The following HADH variants were observed in gnomAD, a reference collection of about 807,000 sequenced individuals.
HADH encodes the protein hydroxyacyl-CoA dehydrogenase, also known as hydroxyacyl-coenzyme A dehydrogenase, mitochondrial.
In HADH, 24 loss-of-function variants were observed where a neutral mutation model predicts 32.2. The ratio of observed to expected loss-of-function variants is 0.75; its 90% CI spans 0.54 to 1.05. HADH has a LOEUF of 1.05. Among genes scored for constraint, HADH ranks in the 50% least tolerant of loss-of-function variants. The probability of loss-of-function intolerance (pLI) is 0.00; values close to 1 mark genes in which losing one functional copy is unlikely to be tolerated. For missense variants in HADH, 350 were observed against 397.1 expected (o/e 0.88, Z 1.01); for synonymous variants, 139 against 152.5 (o/e 0.91, Z 0.65).
chr4:107,989,894 C>CCGCCCCGCGCG lies in HADH; in HGVS notation c.-39_-38insCGCCCCGCGCG. On this transcript the variant is annotated 5_prime_UTR_variant, in exon 1 of 8. Coordinates refer to ENST00000309522, the MANE Select transcript of HADH (RefSeq NM_005327.7). ...CGGCTGCCCGCCTCGCGCGTCTTCC[C>CCGCCCCGCGCG]TGCCCGGGTCTCCTCGCTGTCGCCG... is the stretch of plus-strand genomic sequence containing the variant. 6.2e-7 allele frequency: 1 copy of CCGCCCCGCGCG among 1,605,862 alleles called. No individual in the cohort carries two copies. Among genetic ancestry groups the CCGCCCCGCGCG allele is most frequent in the Non-Finnish European group, 8.5e-7 (1 of 1,177,504 alleles).
chr4:107,999,358 A>G (rs1243350169), intron 1 of HADH, among the ~76,000 whole-genome samples: 1 of 152,138 alleles, frequency 6.6e-6, no homozygotes, highest in Non-Finnish European at 1.5e-5. Context: ...TTCCCCTTTT[A>G]CCTAGCGTCA....
chr4:107,996,826 G>A (rs1019780226), intron 1 of HADH, among the ~76,000 whole-genome samples: 10 of 151,878 alleles, frequency 6.6e-5, no homozygotes, highest in South Asian at 2.1e-4. Flanking sequence ...CCCAGGAGGC[G>A]GAGGATGCAG....
At chr4:108,006,582 C>T (rs1169155852) in intron 1 of HADH, among the ~76,000 whole-genome samples, 2 of 152,132 alleles carry the variant, frequency 1.3e-5, no homozygotes, top group African/African-American at 4.8e-5. Context: ...CTTGCTAAAC[C>T]ACAGCTCACT....
intron 2 of HADH, among the ~76,000 whole-genome samples, chr4:108,012,191 C>T (rs1735520814): frequency 6.6e-6 from 1 of 152,044 alleles, no homozygotes; most frequent in Admixed American, 6.5e-5. Flanking sequence ...GCCACCGAGT[C>T]CTGCTATCAT....
Position 107,990,185 on chromosome 4 carries a change from G to T in HADH, c.132+121G>T, listed in dbSNP as rs1216982580. 19 of 1,015,060 alleles carry T rather than the reference G, an allele frequency of 1.9e-5. No homozygotes were observed. In the East Asian group the frequency reaches 5.0e-4, roughly 27 times the overall value. 62.9% of individuals were successfully genotyped at this position (1,015,060 alleles called of 1,614,324 possible). A position where few individuals can be genotyped will look rare whatever the true frequency, so the allele number is the denominator to read the frequency against. On this transcript the variant is annotated intron_variant, in intron 1 of 7. Coordinates refer to ENST00000309522, the MANE Select transcript of HADH (RefSeq NM_005327.7). Reference sequence around the variant, plus strand: ...CGACACCAGGGAGTTTTCACCCCGCGCCTCCCGGGTGTAGTTGAAATATCT... The same window carrying T: ...CGACACCAGGGAGTTTTCACCCCGCTCCTCCCGGGTGTAGTTGAAATATCT...
Position 108,015,889 on chromosome 4 carries a change from G to A in HADH, c.419+1301G>A, listed in dbSNP as rs533055393. On this transcript the variant is annotated intron_variant, in intron 3 of 7. Coordinates refer to ENST00000309522, the MANE Select transcript of HADH (RefSeq NM_005327.7). ...TAGGGTACTTCTGTGCTCCACTCTC[G>A]GGCATAGGAGTACCCTACGTGTCCT... Among the ~76,000 whole-genome samples the A allele has an allele frequency of 3.3e-4, 50 of 152,082 alleles. 1 individual carries two copies. In the South Asian group the frequency reaches 6.2e-3, roughly 19 times the overall value.
Position 108,019,422 on chromosome 4 carries a change from A to G in HADH, c.420-118A>G, listed in dbSNP as rs538899629. 6.3e-5 allele frequency: 55 copies of G among 867,166 alleles called. 2 individuals carry two copies. The highest frequency in any genetic ancestry group is 5.7e-4 in the South Asian group (43 of 75,598). The allele number at this position is 867,166 out of a possible 1,614,324, so 53.7% of individuals were successfully genotyped here. On this transcript the variant is annotated intron_variant, in intron 3 of 7. Coordinates refer to ENST00000309522, the MANE Select transcript of HADH (RefSeq NM_005327.7). ...ATGTGTCTTCTCCCTCATTCCCCCA[A>G]TGGGTCAGGACAACAGATGTGGCAG...
At chr4:108,009,029 C>T (rs1735385397) in intron 1 of HADH, among the ~76,000 whole-genome samples, 1 of 152,184 alleles carries the variant, frequency 6.6e-6, no homozygotes, top group Non-Finnish European at 1.5e-5. Flanking sequence ...AGGATTCCTC[C>T]CTCAGCCAGG....
At chr4:108,010,803 A>G (rs755740247) in intron 2 of HADH, among the ~76,000 whole-genome samples, 7 of 151,788 alleles carry the variant, frequency 4.6e-5, no homozygotes, top group African/African-American at 1.5e-4. Flanking sequence ...CTTAGCATAA[A>G]GTTTTCAAGG....
Position 108,001,085 on chromosome 4 carries a change from AT to A in HADH, c.133-8671del, listed in dbSNP as rs1442805386. ...AGGTTTCAAAATAGAAAGTACATTC[AT>A]TTGGAAAAAGGCTTCATGGAGAGGG... On this transcript the variant is annotated intron_variant, in intron 1 of 7. Coordinates refer to ENST00000309522, the MANE Select transcript of HADH (RefSeq NM_005327.7). Among the ~76,000 whole-genome samples, 8 of 152,234 alleles carry A rather than the reference AT, an allele frequency of 5.3e-5. No individual in the cohort carries two copies. The East Asian group carries it at 1.5e-3, about 29-fold the overall frequency.
chr4:108,028,490 C>T (rs1302897391), intron 6 of HADH: 1 of 184,956 alleles, frequency 5.4e-6, no homozygotes, highest in Non-Finnish European at 1.1e-5. Flanking sequence ...TTACTTCATT[C>T]ATAAATGCTC....
intron 5 of HADH, chr4:108,025,424 A>T: frequency 6.6e-6 from 1 of 152,108 alleles, no homozygotes; most frequent in East Asian, 1.9e-4. Flanking sequence ...TCACATAAGG[A>T]TAATTATAGT....
chr4:107,996,112 C>G (rs996568763), intron 1 of HADH, among the ~76,000 whole-genome samples: 1 of 152,154 alleles, frequency 6.6e-6, no homozygotes, highest in African/African-American at 2.4e-5. Flanking sequence ...GGCTCTGTAA[C>G]TTTTTGGTCA....
chr4:108,027,732 C>A lies in HADH; in HGVS notation c.681C>A (p.Leu227=). ...TGAACCGCCTCCTGGTTCCATACCT[C>A]ATGGAAGCAATCAGGCTGTATGAAC... The part of the protein sequence containing the change: ...FIVNRLLVPY[L]MEAIRLYERG... Residue 227 remains leucine (L), a synonymous_variant, in exon 6 of 8, where the codon CTC becomes CTA. Coordinates refer to ENST00000309522, the MANE Select transcript of HADH (RefSeq NM_005327.7). 6.2e-7 allele frequency: 1 copy of A among 1,608,718 alleles called. No homozygotes were observed. The highest frequency in any genetic ancestry group is 8.5e-7 in the Non-Finnish European group (1 of 1,175,090).
intron 1 of HADH, among the ~76,000 whole-genome samples, chr4:108,005,939 C>A (rs1416094853): frequency 6.6e-6 from 1 of 152,186 alleles, no homozygotes; most frequent in East Asian, 1.9e-4. Flanking sequence ...CAGCCAGGAG[C>A]AGGCAGGTGA....
chr4:107,990,458 T>G (rs1440054959), intron 1 of HADH, among the ~76,000 whole-genome samples: 1 of 152,240 alleles, frequency 6.6e-6, no homozygotes, highest in Non-Finnish European at 1.5e-5. Context: ...GCCAAAGACA[T>G]GAACTGCGAT....
intron 2 of HADH, among the ~76,000 whole-genome samples, chr4:108,011,271 A>C (rs927396417): frequency 6.6e-6 from 1 of 152,170 alleles, no homozygotes; most frequent in Admixed American, 6.5e-5. Context: ...TGACATTGCT[A>C]ATGAAGACAT....
intron 2 of HADH, 85 bp downstream of exon 2, chr4:108,009,972 TC>T: frequency 2.3e-6 from 2 of 864,820 alleles, no homozygotes; most frequent in East Asian, 2.6e-5. Context: ...TGGCTTTCTT[TC>T]TTTCTTTTTT....
intron 1 of HADH, among the ~76,000 whole-genome samples, chr4:108,000,113 G>T (rs1362628486): frequency 6.6e-6 from 1 of 152,180 alleles, no homozygotes; most frequent in Non-Finnish European, 1.5e-5. Context: ...ACAACCTGAA[G>T]TGGATGATGC....
Sources: gnomAD v4.1 joint callset for allele counts (sites outside exome capture counted in the v4.1 genomes callset) on GRCh38, gnomAD v4.1.1 for gene constraint, MANE v1.5 for transcripts, NCBI Gene and HGNC (gene_info 2026-07-23, HGNC 2026-07-21) for gene names.